NPY2R: variants seen among roughly 807,000 people sequenced by gnomAD.
NPY2R encodes neuropeptide Y receptor Y2, also known as neuropeptide Y receptor type 2.
Under a neutral mutation model 22.3 loss-of-function variants are expected in NPY2R, and 17 were observed. The observed-to-expected ratio is 0.76, with a 90% CI of 0.52 to 1.14. The LOEUF is 1.14. Among genes scored for constraint, NPY2R ranks in the 50% most tolerant of loss-of-function variants. The pLI, the probability that NPY2R is intolerant of heterozygous loss-of-function variation, is 0.00. For synonymous variants in NPY2R, 209 were observed against 183.4 expected, an observed-to-expected ratio of 1.14 and a Z score of -1.13; for missense variants, 424 against 467.9, an observed-to-expected ratio of 0.91 and a Z score of 0.87.
the NPY2R span, among the ~76,000 whole-genome samples, chr4:155,193,002 T>C: frequency 2.9e-3 from 437 of 151,918 alleles, 5 homozygotes; most frequent in African/African-American, 0.01. Context: ...TCACAATAGT[T>C]TTAAAAAAAT....
the NPY2R span, among the ~76,000 whole-genome samples, chr4:155,182,609 T>A: frequency 6.6e-6 from 1 of 152,148 alleles, no homozygotes; most frequent in Admixed American, 6.6e-5. Context: ...CACAATGAAG[T>A]TCTCTTGGGT....
the NPY2R span, among the ~76,000 whole-genome samples, chr4:155,199,404 TAGAA>T: frequency 6.6e-6 from 1 of 152,050 alleles, no homozygotes; most frequent in Non-Finnish European, 1.5e-5. Flanking sequence ...TCCTCACAGA[TAGAA>T]AGAATCAATA....
rs1012377175 is a variant in NPY2R, at chr4:155,216,011, A to G, written c.*926A>G. On this transcript the variant is annotated 3_prime_UTR_variant, in exon 2 of 2. Transcript: ENST00000329476. ...TTTGTGGCATGTTGTAACATTTCAC[A>G]GTATTTACAAGCTATTTTTGCACAG... 1.8e-5 allele frequency: 3 copies of G among 167,076 alleles called. No individual in the cohort carries two copies. Among genetic ancestry groups the G allele is most frequent in the Non-Finnish European group, 4.4e-5 (3 of 68,122 alleles). 10.3% of individuals were successfully genotyped at this position (167,076 alleles called of 1,614,324 possible). A position where few individuals can be genotyped will look rare whatever the true frequency, so the allele number is the denominator to read the frequency against.
the NPY2R span, among the ~76,000 whole-genome samples, chr4:155,203,493 A>G: frequency 6.6e-6 from 1 of 152,174 alleles, no homozygotes; most frequent in Non-Finnish European, 1.5e-5. Flanking sequence ...GACTATTTTA[A>G]AGTAGTACAC....
At chr4:155,208,461 G>C (rs1296971359), upstream of NPY2R, 1 of 152,398 alleles carries the variant, frequency 6.6e-6, no homozygotes, top group Non-Finnish European at 1.5e-5. This position sits in a 1 kb window ranked among gnomAD's most constrained non-coding sequence, Gnocchi z 5.6. Context: ...GAGAGCAAAG[G>C]GAGAGATTCG....
At chr4:155,195,330 G>T in the NPY2R span, among the ~76,000 whole-genome samples, 1 of 151,694 alleles carries the variant, frequency 6.6e-6, no homozygotes, top group African/African-American at 2.4e-5. Flanking sequence ...TTAAAATTAG[G>T]TATAAATGAA....
the NPY2R span, among the ~76,000 whole-genome samples, chr4:155,181,210 T>C: frequency 1.3e-5 from 2 of 152,160 alleles, no homozygotes; most frequent in African/African-American, 4.8e-5. Context: ...CTTCTTATAG[T>C]GAGGAACTGC....
the NPY2R span, among the ~76,000 whole-genome samples, chr4:155,194,196 G>C: frequency 6.6e-6 from 1 of 151,866 alleles, no homozygotes; most frequent in African/African-American, 2.4e-5. Flanking sequence ...GAGATCTACT[G>C]TACAGCATAG....
chr4:155,188,769 C>A, the NPY2R span, among the ~76,000 whole-genome samples: 4 of 152,084 alleles, frequency 2.6e-5, no homozygotes, highest in African/African-American at 7.2e-5. Flanking sequence ...ATCTTTGAAG[C>A]TGATCCTTTC....
upstream of NPY2R, chr4:155,206,570 T>C (rs1187916350): frequency 6.6e-6 from 1 of 152,240 alleles, no homozygotes; most frequent in Non-Finnish European, 1.5e-5. Flanking sequence ...ACATTAATCA[T>C]AGAGACCATT....
rs368754034 is a variant in NPY2R at position 155,215,329 on chromosome 4, T to TA, written c.*248dup. 3.1e-4 allele frequency: 183 copies of TA among 589,490 alleles called. No individual in the cohort carries two copies. The highest frequency in any genetic ancestry group is 2.5e-3 in the African/African-American group (133 of 53,480). The allele number at this position is 589,490 out of a possible 1,614,324, so 36.5% of individuals were successfully genotyped here. On this transcript the variant is annotated 3_prime_UTR_variant, in exon 2 of 2. Coordinates refer to ENST00000329476, the MANE Select transcript of NPY2R (RefSeq NM_000910.4). Reference sequence around the variant, plus strand: ...GTTGGGTAGTAGGTTGCATTATGAGTAAAAGCAGAGAGAAGTACTTTTGAT... The same window carrying TA: ...GTTGGGTAGTAGGTTGCATTATGAGTAAAAAGCAGAGAGAAGTACTTTTGAT...
the NPY2R span, among the ~76,000 whole-genome samples, chr4:155,191,981 A>G: frequency 6.6e-6 from 1 of 152,064 alleles, no homozygotes; most frequent in African/African-American, 2.4e-5. Flanking sequence ...TAAAGTCACC[A>G]CTTTATGCAT....
At chr4:155,174,782 A>G in the NPY2R span, among the ~76,000 whole-genome samples, 1 of 151,996 alleles carries the variant, frequency 6.6e-6, no homozygotes, top group East Asian at 1.9e-4. Flanking sequence ...CAGGAAAGAA[A>G]GGATGTGAAT....
At chr4:155,203,891 G>A (rs1403878505), upstream of NPY2R, among the ~76,000 whole-genome samples, 1 of 152,076 alleles carries the variant, frequency 6.6e-6, no homozygotes, top group Non-Finnish European at 1.5e-5. Flanking sequence ...GTCTTTGTTT[G>A]TTTAACCTAA....
intron 1 of NPY2R, among the ~76,000 whole-genome samples, chr4:155,212,235 G>T (rs548325632): frequency 1.3e-5 from 2 of 152,112 alleles, no homozygotes; most frequent in Non-Finnish European, 2.9e-5. Context: ...ATGAACAGTG[G>T]CAGCCTTTTG....
At chr4:155,193,086 G>A in the NPY2R span, among the ~76,000 whole-genome samples, 1,507 of 151,986 alleles carry the variant, frequency 9.9e-3, 17 homozygotes, top group South Asian at 0.025. Flanking sequence ...GAAAACTGAC[G>A]AGTAGAGGAA....
At chr4:155,178,955 T>C in the NPY2R span, among the ~76,000 whole-genome samples, 1 of 152,172 alleles carries the variant, frequency 6.6e-6, no homozygotes, top group African/African-American at 2.4e-5. Flanking sequence ...AGTGCTTTTT[T>C]CTCTATATTC....
chr4:155,214,938 A>G lies in NPY2R; in HGVS notation c.999A>G (p.Arg333=), dbSNP rs866333463. The change falls in exon 2 of 2, where the codon AGA becomes AGG. Residue 333 remains arginine, a synonymous_variant. Coordinates refer to ENST00000329476, the MANE Select transcript of NPY2R (RefSeq NM_000910.4). Reference sequence around the variant, plus strand: ...ATGGCTGGATGAACAGCAACTACAGAAAGGCTTTCCTCTCGGCCTTCCGCT... The same window carrying G: ...ATGGCTGGATGAACAGCAACTACAGGAAGGCTTTCCTCTCGGCCTTCCGCT... ...LLYGWMNSNY[R]KAFLSAFRCE... 3.1e-6 allele frequency: 5 copies of G among 1,614,026 alleles called. No individual in the cohort carries two copies. In the East Asian group the frequency reaches 8.9e-5, roughly 29 times the overall value.
the NPY2R span, among the ~76,000 whole-genome samples, chr4:155,197,272 G>A: frequency 2.0e-5 from 3 of 151,888 alleles, no homozygotes; most frequent in Non-Finnish European, 4.4e-5. Context: ...GAGTTTAGTA[G>A]TGAGGTCATA....
Sources: gnomAD v4.1 joint callset for allele counts (sites outside exome capture counted in the v4.1 genomes callset) on GRCh38, gnomAD v4.1.1 for gene constraint, Gnocchi (gnomAD v3.1) non-coding constraint, MANE v1.5 for transcripts, NCBI Gene and HGNC (gene_info 2026-07-23, HGNC 2026-07-21) for gene names.